The following STYK1 variants were observed in gnomAD, a reference collection of about 807,000 sequenced individuals.
STYK1 encodes the protein STY kinase 1, also known as tyrosine-protein kinase STYK1.
A neutral mutation model predicts 48.1 loss-of-function variants in STYK1; 46 were observed. The ratio of observed to expected loss-of-function variants is 0.96; its 90% CI spans 0.75 to 1.22. The LOEUF (loss-of-function observed/expected upper bound fraction) is 1.22. Ranked by LOEUF, STYK1 falls within the 50% of genes most tolerant of loss-of-function variation. STYK1 has a pLI of 0.00. For missense variants in STYK1, 527 were observed against 521.1 expected (o/e 1.01, Z -0.11); for synonymous variants, 188 against 189.0 (o/e 0.99, Z 0.04).
chr12:10,670,449 A>C (rs1343198442), intron 1 of STYK1, among the ~76,000 whole-genome samples: 5 of 152,192 alleles, frequency 3.3e-5, no homozygotes, highest in African/African-American at 1.2e-4. Flanking sequence ...AGGAGATATT[A>C]TGTTAAGTGA....
chr12:10,673,998 T>C lies in STYK1; in HGVS notation c.-227A>G, dbSNP rs1402809810. On this transcript the variant is annotated 5_prime_UTR_variant, in exon 1 of 11. Coordinates refer to ENST00000075503, the MANE Select transcript of STYK1 (RefSeq NM_018423.3). ...CTCCTCTGGTCACTCCGGTTTCCGA[T>C]GGCACCGGCCCAGTCGGAGGGGAAA... 6.6e-6 allele frequency: 1 copy of C among 152,236 alleles called. No homozygotes were observed. The highest frequency in any genetic ancestry group is 2.4e-5 in the African/African-American group (1 of 41,438). The allele number at this position is 152,236 out of a possible 1,614,324, so 9.4% of individuals were successfully genotyped here. A position where few individuals can be genotyped will look rare whatever the true frequency, so the allele number is the denominator to read the frequency against.
chr12:10,656,165 CT>C (rs1466661928), intron 1 of STYK1, among the ~76,000 whole-genome samples: 1 of 152,218 alleles, frequency 6.6e-6, no homozygotes, highest in Non-Finnish European at 1.5e-5. Flanking sequence ...TGCACAAGCT[CT>C]CTCTCTTTGC....
At chr12:10,651,799 G>T (rs1378393293) in intron 1 of STYK1, among the ~76,000 whole-genome samples, 1 of 152,114 alleles carries the variant, frequency 6.6e-6, no homozygotes, top group Non-Finnish European at 1.5e-5. Context: ...TTATGCTTCA[G>T]TACAGTTTTC....
intron 1 of STYK1, among the ~76,000 whole-genome samples, chr12:10,671,084 C>T (rs1367533188): frequency 1.3e-5 from 2 of 151,106 alleles, no homozygotes; most frequent in African/African-American, 4.9e-5. Flanking sequence ...CAAGCTCCGC[C>T]TCCTGGATTC....
chr12:10,635,999 T>C (rs1364866767), intron 2 of STYK1, among the ~76,000 whole-genome samples: 2 of 152,186 alleles, frequency 1.3e-5, no homozygotes, highest in South Asian at 2.1e-4. Context: ...TGTGATCCAG[T>C]TTTGTAGTGA....
chr12:10,629,207 A>T (rs1311690127), intron 6 of STYK1, among the ~76,000 whole-genome samples: 1 of 152,212 alleles, frequency 6.6e-6, no homozygotes, highest in African/African-American at 2.4e-5. Flanking sequence ...ATTTAAACTT[A>T]TATTACTTAA....
chr12:10,631,008 G>A (rs762660938), intron 5 of STYK1, 37 bp downstream of exon 5: 3 of 1,606,904 alleles, frequency 1.9e-6, no homozygotes, highest in Non-Finnish European at 2.6e-6. Context: ...AATATTTACT[G>A]TTAGGGGAAG....
At chr12:10,631,606 G>A (rs979869464) in intron 4 of STYK1, among the ~76,000 whole-genome samples, 12 of 152,190 alleles carry the variant, frequency 7.9e-5, no homozygotes, top group Non-Finnish European at 1.3e-4. Flanking sequence ...GTGTGGTATG[G>A]AGACAATTAG....
At chr12:10,670,896 A>G (rs1323859509) in intron 1 of STYK1, among the ~76,000 whole-genome samples, 1 of 150,204 alleles carries the variant, frequency 6.7e-6, no homozygotes, top group East Asian at 1.9e-4. Flanking sequence ...TATAATAAAA[A>G]TAAAGAATAC....
intron 2 of STYK1, among the ~76,000 whole-genome samples, chr12:10,635,194 C>T (rs1482787122): frequency 6.6e-6 from 1 of 152,158 alleles, no homozygotes; most frequent in African/African-American, 2.4e-5. Flanking sequence ...ATGCATGGCT[C>T]ATTTAAATCT....
chr12:10,667,726 G>A (rs112583208), intron 1 of STYK1, among the ~76,000 whole-genome samples: 14 of 152,206 alleles, frequency 9.2e-5, no homozygotes, highest in Non-Finnish European at 1.8e-4. Context: ...AACTGATTGA[G>A]ATGGCTTTCA....
rs1400950635 is a variant in STYK1 at position 10,631,071 on chromosome 12, T to C, written c.425A>G (p.Lys142Arg). Residue 142 changes from lysine to arginine, a missense_variant, in exon 5 of 11, where the codon AAG becomes AGG. Lys to Arg is a conservative substitution (Grantham distance 26). Coordinates refer to ENST00000075503, the MANE Select transcript of STYK1 (RefSeq NM_018423.3). ...NMNTGDPSKP[K>R]SVILKALKEP... ...TTTTAAAGCCTTGAGAATAACACTCTTGGGCTTAGAAGGGTCCCCAGTGTT... is the reference window on the plus strand; with the variant it reads ...TTTTAAAGCCTTGAGAATAACACTCCTGGGCTTAGAAGGGTCCCCAGTGTT... The C allele has an allele frequency of 1.9e-6, 3 of 1,614,030 alleles. No individual in the cohort carries two copies. The highest frequency in any genetic ancestry group is 1.7e-6 in the Non-Finnish European group (2 of 1,180,036).
chr12:10,672,443 C>T lies in STYK1; in HGVS notation c.-195+1523G>A, dbSNP rs769075858. Reference sequence around the variant, plus strand: ...GGTAGAGATGGGTTTCGCCAAGTTGCCCAGGCTGGTCTCAAACTCCTGAAC... The same window carrying T: ...GGTAGAGATGGGTTTCGCCAAGTTGTCCAGGCTGGTCTCAAACTCCTGAAC... On this transcript the variant is annotated intron_variant, in intron 1 of 10. Coordinates refer to ENST00000075503, the MANE Select transcript of STYK1 (RefSeq NM_018423.3). The surrounding 1 kb of genome is among the most constrained non-coding windows in gnomAD (Gnocchi z 4.0). Among the ~76,000 whole-genome samples, 6 of 152,080 alleles carry T rather than the reference C, an allele frequency of 3.9e-5. No homozygotes were observed. The highest frequency in any genetic ancestry group is 5.9e-5 in the Non-Finnish European group (4 of 68,004).
At position 10,640,245 on chromosome 12, in the gene STYK1, G is replaced by A. The variant is rs938113392; in HGVS notation, c.-194-3049C>T. 2.0e-5 allele frequency among the ~76,000 whole-genome samples: 3 copies of A among 152,274 alleles called. No individual in the cohort carries two copies. The East Asian group carries it at 5.8e-4, about 29-fold the overall frequency. On this transcript the variant is annotated intron_variant, in intron 1 of 10. Transcript: ENST00000075503. ...AGAAATTGCAGGGGACAGGGCACTG[G>A]CTTAGGAATTAGGGTCTTCATGCTG...
In STYK1 at chr12:10,634,045, G is replaced by A. The variant is rs1439026850; in HGVS notation, c.132C>T (p.Ile44=). The change falls in exon 4 of 11, where the codon ATC becomes ATT. Residue 44 remains isoleucine, a synonymous_variant. Transcript: ENST00000075503. ...TTTGTTCTCTGATAAAAAGCCACAG[G>A]ATGACCCCAAGAAGGATGAGGAAGA... ...VTIFLILLGV[I]LWLFIREQRT... 6.2e-7 allele frequency: 1 copy of A among 1,614,118 alleles called. No homozygotes were observed. The highest frequency in any genetic ancestry group is 1.7e-5 in the Admixed American group (1 of 60,020).
intron 1 of STYK1, 179 bp downstream of exon 1, chr12:10,673,785 AAC>A (rs1271427696): frequency 6.6e-6 from 1 of 152,280 alleles, no homozygotes; most frequent in Non-Finnish European, 1.5e-5. Flanking sequence ...GTTCCGAAGA[AAC>A]ACAGGTTAAT....
intron 1 of STYK1, among the ~76,000 whole-genome samples, chr12:10,642,149 T>C (rs1433767973): frequency 3.3e-5 from 5 of 152,330 alleles, no homozygotes; most frequent in Non-Finnish European, 7.4e-5. Context: ...TCCTTGTCCC[T>C]GCAAGAGCTC....
At position 10,619,849 on chromosome 12, in the gene STYK1, C is replaced by T; in HGVS notation, c.*295G>A. The T allele has an allele frequency of 2.3e-6, 1 of 438,524 alleles. No individual in the cohort carries two copies. The highest frequency in any genetic ancestry group is 3.3e-5 in the East Asian group (1 of 30,382). The allele number at this position is 438,524 out of a possible 1,614,324, so 27.2% of individuals were successfully genotyped here. On this transcript the variant is annotated 3_prime_UTR_variant, in exon 11 of 11. Coordinates refer to ENST00000075503, the MANE Select transcript of STYK1 (RefSeq NM_018423.3). The stretch of plus-strand genomic sequence containing the variant: ...ACGGGAGGGATGAGCTTATTTGTGC[C>T]ATGCCCCAACAAATACTGCAGAGTT...
chr12:10,671,446 G>A (rs1225447052), intron 1 of STYK1, among the ~76,000 whole-genome samples: 2 of 122,942 alleles, frequency 1.6e-5, no homozygotes, highest in Non-Finnish European at 3.3e-5. Context: ...AGGCAAAAGT[G>A]AGCGTCAGCA....
Sources: gnomAD v4.1 joint callset for allele counts (sites outside exome capture counted in the v4.1 genomes callset) on GRCh38, gnomAD v4.1.1 for gene constraint, Gnocchi (gnomAD v3.1) non-coding constraint, MANE v1.5 for transcripts, NCBI Gene and HGNC (gene_info 2026-07-23, HGNC 2026-07-21) for gene names.